The following MUC22 variants were observed in gnomAD, a reference collection of about 807,000 sequenced individuals.
MUC22 encodes the protein mucin 22.
In MUC22, 24 loss-of-function variants were observed where a neutral mutation model predicts 40.3. That is an observed-to-expected ratio of 0.60 (90% CI 0.43 to 0.84). The LOEUF is 0.84. Among genes scored for constraint, MUC22 ranks in the 40% least tolerant of loss-of-function variants. MUC22 has a pLI of 0.00. For synonymous variants in MUC22, 765 were observed against 844.5 expected, an observed-to-expected ratio of 0.91 and a Z score of 1.63; for missense variants, 1,926 against 2,130.7, an observed-to-expected ratio of 0.90 and a Z score of 1.89.
Position 31,011,883 on chromosome 6 carries a change from C to T in MUC22, c.70+1107C>T, listed in dbSNP as rs1328995140. ...TTGATTTTTTGCTTCAACCCTTCTT[C>T]GGATGCTGCCTGATTCCAAATCCAT... is the stretch of plus-strand genomic sequence containing the variant. On this transcript the variant is annotated intron_variant, in intron 1 of 3. Coordinates refer to ENST00000561890, the Ensembl canonical transcript of MUC22. This position sits in a 1 kb window ranked among gnomAD's most constrained non-coding sequence, Gnocchi z 4.5. 1.3e-5 allele frequency among the ~76,000 whole-genome samples: 2 copies of T among 152,182 alleles called. No homozygotes were observed. Among genetic ancestry groups the T allele is most frequent in the Admixed American group, 6.5e-5 (1 of 15,284 alleles).
At chr6:31,018,570 G>C (rs1764436410) in intron 1 of MUC22, among the ~76,000 whole-genome samples, 1 of 152,212 alleles carries the variant, frequency 6.6e-6, no homozygotes, top group Admixed American at 6.5e-5. Context: ...TGTCCTTGTG[G>C]AGGTATGTGT....
intron 1 of MUC22, among the ~76,000 whole-genome samples, chr6:31,017,026 GCCTC>G (rs1764264683): frequency 6.6e-6 from 1 of 152,218 alleles, no homozygotes; most frequent in Non-Finnish European, 1.5e-5. Context: ...GACCTCAGCT[GCCTC>G]CCTGAGGGGC....
chr6:31,028,672 G>C, exon 2 of MUC22: 1 of 1,533,962 alleles, frequency 6.5e-7, no homozygotes, highest in East Asian at 2.5e-5. Flanking sequence ...CTCCACTGCA[G>C]GCTCTGAGAC....
At chr6:31,035,377 C>T (rs1238222538) in exon 4 of MUC22, 1 of 169,424 alleles carries the variant, frequency 5.9e-6, no homozygotes, top group East Asian at 1.7e-4. Context: ...AACAAAAGCA[C>T]ATAATGAATG....
At position 31,021,411 on chromosome 6, in the gene MUC22, C is replaced by A. The variant is rs9295943; in HGVS notation, c.71-4091C>A. Among the ~76,000 whole-genome samples, 777 of 122,186 alleles carry A rather than the reference C, an allele frequency of 6.4e-3. 18 individuals carry two copies. Among genetic ancestry groups the A allele is most frequent in the East Asian group, 0.026 (63 of 2,468 alleles). The allele number at this position is 122,186 out of a possible 152,430, so 80.2% of individuals were successfully genotyped here. On this transcript the variant is annotated intron_variant, in intron 1 of 3. Transcript: ENST00000561890. ...AGGTTTGTAAACACACCAATCAGCA[C>A]CCTGTGTCTAGCTCAGGGTTTGTGA...
intron 2 of MUC22, among the ~76,000 whole-genome samples, chr6:31,031,281 G>GTCC (rs1037517399): frequency 2.8e-4 from 42 of 151,996 alleles, no homozygotes; most frequent in African/African-American, 9.7e-4. Flanking sequence ...CTTGGGTCAG[G>GTCC]TCCTCCTACA....
chr6:31,016,736 C>G (rs1764232764), intron 1 of MUC22, among the ~76,000 whole-genome samples: 1 of 152,256 alleles, frequency 6.6e-6, no homozygotes. Flanking sequence ...GTGGGAGACC[C>G]TCTCTGGGCT....
chr6:31,026,677 A>G (rs1765389621), exon 2 of MUC22: 1 of 1,506,388 alleles, frequency 6.6e-7, no homozygotes, highest in African/African-American at 1.4e-5. Context: ...AGATTCTGAG[A>G]CCACTGCAGC....
intron 1 of MUC22, among the ~76,000 whole-genome samples, chr6:31,018,445 C>A (rs1764421869): frequency 6.6e-6 from 1 of 152,188 alleles, no homozygotes; most frequent in South Asian, 2.1e-4. Context: ...ACTCTCACCC[C>A]CAATGGAGGC....
At chr6:31,022,304 T>A (rs116071718) in intron 1 of MUC22, among the ~76,000 whole-genome samples, 9,710 of 152,224 alleles carry the variant, frequency 0.064, 431 homozygotes, top group Admixed American at 0.086. Flanking sequence ...ATTACAGGCA[T>A]GTAATTAGCC....
At chr6:31,029,065 G>T in exon 2 of MUC22, 1 of 1,534,868 alleles carries the variant, frequency 6.5e-7, no homozygotes, top group Non-Finnish European at 8.7e-7. Context: ...CTCTGCTGAA[G>T]GCTCTGAGAC....
chr6:31,021,602 C>T (rs1486511093), intron 1 of MUC22, among the ~76,000 whole-genome samples: 1 of 142,518 alleles, frequency 7.0e-6, no homozygotes, highest in Admixed American at 6.8e-5. Flanking sequence ...TGTGAGTGCA[C>T]CAATCGACAC....
chr6:31,029,870 G>A lies in MUC22; in HGVS notation c.4439G>A (p.Ser1480Asn), dbSNP rs1346158465. ...GGTTCTGAGACCTCCACACCCTCCA[G>A]TGCAGGCTCTGAGACCAACACTGCC... Residue 1480 changes from serine (S) to asparagine (N), a missense_variant, in exon 2 of 4, where the codon AGT becomes AAT. By Grantham distance (46) the Ser-to-Asn change is conservative. Transcript: ENST00000561890. 4.1e-6 allele frequency: 6 copies of A among 1,472,504 alleles called. No individual in the cohort carries two copies. In the Admixed American group the frequency reaches 8.5e-5, roughly 21 times the overall value. The allele number at this position is 1,472,504 out of a possible 1,614,324, so 91.2% of individuals were successfully genotyped here.
chr6:31,016,887 G>C (rs1331670732), intron 1 of MUC22, among the ~76,000 whole-genome samples: 1 of 152,216 alleles, frequency 6.6e-6, no homozygotes, highest in African/African-American at 2.4e-5. Context: ...CACACTCTGA[G>C]CCTCGGGCTG....
upstream of MUC22, chr6:31,006,209 A>G (rs772800471): frequency 2.2e-5 from 7 of 321,540 alleles, no homozygotes; most frequent in Non-Finnish European, 4.2e-5. Flanking sequence ...TTAATTCACC[A>G]AAAAGTTACT....
chr6:31,006,973 A>AC (rs58715275), upstream of MUC22, among the ~76,000 whole-genome samples: 1,773 of 151,950 alleles, frequency 0.012, 31 homozygotes, highest in African/African-American at 0.038. Context: ...ATATAGTGAG[A>AC]CCCCCCACAT....
intron 1 of MUC22, among the ~76,000 whole-genome samples, chr6:31,022,782 C>A (rs1217439489): frequency 6.8e-6 from 1 of 147,392 alleles, no homozygotes; most frequent in Non-Finnish European, 1.5e-5. Context: ...AGAGCAAAGG[C>A]ACACAAATAA....
chr6:31,034,973 AAGGAGGCCACGGC>A, exon 4 of MUC22: 1 of 1,521,568 alleles, frequency 6.6e-7, no homozygotes. Flanking sequence ...GGGAGCCACC[AAGGAGGCCACGGC>A]AGGACAAGAT....
At chr6:31,012,545 G>A (rs371379392) in intron 1 of MUC22, among the ~76,000 whole-genome samples, 2 of 148,768 alleles carry the variant, frequency 1.3e-5, no homozygotes, top group African/African-American at 5.0e-5. Context: ...GCACTGCTGC[G>A]TGCTAGGCCA....
Sources: allele counts gnomAD v4.1 joint callset (sites outside exome capture counted in the v4.1 genomes callset), GRCh38; gene constraint gnomAD v4.1.1; non-coding constraint Gnocchi (gnomAD v3.1); transcripts MANE v1.5; gene names NCBI Gene and HGNC (gene_info 2026-07-23, HGNC 2026-07-21).